The following HIP1 variants were observed in gnomAD, a reference collection of about 807,000 sequenced individuals.
HIP1 encodes the protein huntingtin interacting protein 1.
HIP1 carries 65 observed loss-of-function variants against 147.6 expected under a neutral mutation model. The observed-to-expected ratio is 0.44, with a 90% CI of 0.36 to 0.54. The LOEUF (loss-of-function observed/expected upper bound fraction) is 0.54, where lower values mean the gene tolerates loss of function less well. Among genes scored for constraint, HIP1 ranks in the 20% least tolerant of loss-of-function variants. The pLI is 0.00. For synonymous variants in HIP1, 479 were observed against 504.0 expected, an observed-to-expected ratio of 0.95 and a Z score of 0.67; for missense variants, 1,061 against 1,299.6, an observed-to-expected ratio of 0.82 and a Z score of 2.82.
intron 4 of HIP1, among the ~76,000 whole-genome samples, chr7:75,587,172 C>T (rs1476097137): frequency 2.6e-5 from 4 of 152,168 alleles, no homozygotes; most frequent in Non-Finnish European, 5.9e-5. Context: ...AACTCCTGGC[C>T]TTGAGTGATC....
chr7:75,573,129 C>T (rs374929102), intron 8 of HIP1, among the ~76,000 whole-genome samples: 1 of 152,208 alleles, frequency 6.6e-6, no homozygotes, highest in Non-Finnish European at 1.5e-5. Context: ...ATGGACCAAT[C>T]GTGGTGCATT....
intron 1 of HIP1, among the ~76,000 whole-genome samples, chr7:75,631,377 C>A (rs1418558162): frequency 1.3e-5 from 2 of 152,176 alleles, no homozygotes; most frequent in African/African-American, 4.8e-5. Flanking sequence ...ACTAACTTGT[C>A]TACGATCTGA....
chr7:75,559,719 A>G lies in HIP1; in HGVS notation c.1375+13T>C, dbSNP rs782320933. 8.4e-5 allele frequency: 19 copies of G among 227,234 alleles called. No individual in the cohort carries two copies. The highest frequency in any genetic ancestry group is 1.3e-4 in the Non-Finnish European group (18 of 137,026). 14.1% of individuals were successfully genotyped at this position (227,234 alleles called of 1,614,324 possible). ...GCCCCCGGGGCCCGCCCCCGCCCCC[A>G]CCCACCGCTCACTTTCTATCTCAGA... On this transcript the variant is annotated intron_variant, in intron 14 of 30. Coordinates refer to ENST00000336926, the MANE Select transcript of HIP1 (RefSeq NM_005338.7).
intron 1 of HIP1, among the ~76,000 whole-genome samples, chr7:75,683,442 T>G (rs1563291228): frequency 1.6e-4 from 24 of 151,518 alleles, no homozygotes; most frequent in African/African-American, 4.1e-4. Context: ...TCGGACTCGT[T>G]GGGAGTGCAC....
intron 4 of HIP1, among the ~76,000 whole-genome samples, chr7:75,587,121 G>A (rs237229): frequency 0.55 from 83,977 of 151,844 alleles, 24,716 homozygotes; most frequent in African/African-American, 0.76. Flanking sequence ...TTGTATTTTT[G>A]CTAGAGATAT....
At chr7:75,630,768 A>G (rs1377141383) in intron 1 of HIP1, among the ~76,000 whole-genome samples, 2 of 152,106 alleles carry the variant, frequency 1.3e-5, no homozygotes, top group African/African-American at 4.8e-5. Context: ...TATTGCAACT[A>G]CTAACAGGTC....
chr7:75,713,262 A>G (rs1801211671), intron 1 of HIP1, among the ~76,000 whole-genome samples: 1 of 152,164 alleles, frequency 6.6e-6, no homozygotes, highest in African/African-American at 2.4e-5. Flanking sequence ...CGTTCAACAC[A>G]CACAATGAGC....
At position 75,664,191 on chromosome 7, in the gene HIP1, TAC is replaced by T. The variant is rs559302806; in HGVS notation, c.121-64946_121-64945del. On this transcript the variant is annotated intron_variant, in intron 1 of 30. Coordinates refer to ENST00000336926, the MANE Select transcript of HIP1 (RefSeq NM_005338.7). ...ACATACATATATGTACATACATATA[TAC>T]ACACATATACATATGTATATATACA... is the stretch of plus-strand genomic sequence containing the variant. Among the ~76,000 whole-genome samples, 536 of 109,952 alleles carry T rather than the reference TAC, an allele frequency of 4.9e-3. 11 individuals are homozygous for T. Among genetic ancestry groups the T allele is most frequent in the African/African-American group, 0.019 (480 of 24,858 alleles). The allele number at this position is 109,952 out of a possible 152,430, so 72.1% of individuals were successfully genotyped here. A position where few individuals can be genotyped will look rare whatever the true frequency, so the allele number is the denominator to read the frequency against.
chr7:75,724,930 G>T (rs1801608063), intron 1 of HIP1, among the ~76,000 whole-genome samples: 1 of 152,158 alleles, frequency 6.6e-6, no homozygotes, highest in Admixed American at 6.6e-5. Context: ...CCGAGGGGAG[G>T]CAGAATTTGA....
intron 1 of HIP1, among the ~76,000 whole-genome samples, chr7:75,651,175 A>C (rs1798968005): frequency 6.6e-6 from 1 of 151,858 alleles, no homozygotes; most frequent in Non-Finnish European, 1.5e-5. Flanking sequence ...GGGTCTTCAA[A>C]GACCTGAGGC....
At chr7:75,559,331 G>A (rs1362583762) in intron 14 of HIP1, among the ~76,000 whole-genome samples, 1 of 152,088 alleles carries the variant, frequency 6.6e-6, no homozygotes, top group Non-Finnish European at 1.5e-5. Flanking sequence ...GCCCGGGTTG[G>A]TCTTGAACTC....
intron 6 of HIP1, 38 bp from the exon 7 acceptor site, chr7:75,581,336 C>A: frequency 6.4e-7 from 1 of 1,552,118 alleles, no homozygotes; most frequent in Non-Finnish European, 8.9e-7. Context: ...ACTCCACAGC[C>A]TGAGGCCGGT....
At chr7:75,550,141 A>G (rs1794728365) in intron 22 of HIP1, among the ~76,000 whole-genome samples, 1 of 152,172 alleles carries the variant, frequency 6.6e-6, no homozygotes, top group South Asian at 2.1e-4. Flanking sequence ...AGGGATTTGA[A>G]CTAAGGTCTG....
rs782738185 is a variant in HIP1 at position 75,542,875 on chromosome 7, C to T, written c.2866G>A (p.Gly956Ser). The T allele has an allele frequency of 2.1e-5, 34 of 1,613,812 alleles. No homozygotes were observed. Among genetic ancestry groups the T allele is most frequent in the South Asian group, 5.5e-5 (5 of 91,032 alleles). The change falls in exon 28 of 31, where the codon GGC becomes AGC. Residue 956 changes from glycine to serine, a missense_variant. Coordinates refer to ENST00000336926, the MANE Select transcript of HIP1 (RefSeq NM_005338.7). ...CCTGTCTCTTCGATCTGTGATTTGC[C>T]GGAAATGGTTGAGGCCACAACGCCG... ...TAGVVASTIS[G>S]KSQIEETDNM...
chr7:75,707,504 T>C (rs1801039051), intron 1 of HIP1, among the ~76,000 whole-genome samples: 1 of 144,178 alleles, frequency 6.9e-6, no homozygotes, highest in Non-Finnish European at 1.5e-5. Context: ...TGTAAATTTG[T>C]TTGAGTTCAT....
intron 1 of HIP1, among the ~76,000 whole-genome samples, chr7:75,704,419 T>G (rs912973098): frequency 7.9e-5 from 12 of 151,932 alleles, no homozygotes; most frequent in Admixed American, 7.9e-4. Flanking sequence ...TAATTTTGTA[T>G]TCTTAGTAGA....
chr7:75,678,548 T>G (rs1321392866), intron 1 of HIP1, among the ~76,000 whole-genome samples: 3 of 152,136 alleles, frequency 2.0e-5, no homozygotes, highest in African/African-American at 7.2e-5. Flanking sequence ...TTTGCCATGT[T>G]GGCCAGGCAG....
At position 75,537,081 on chromosome 7, in the gene HIP1, G is replaced by C. The variant is rs1006021944; in HGVS notation, c.*1091C>G. The C allele has an allele frequency of 8.6e-6, 2 of 232,444 alleles. No individual in the cohort carries two copies. The highest frequency in any genetic ancestry group is 1.7e-5 in the Non-Finnish European group (2 of 117,654). The allele number at this position is 232,444 out of a possible 1,614,324, so 14.4% of individuals were successfully genotyped here. A position where few individuals can be genotyped will look rare whatever the true frequency, so the allele number is the denominator to read the frequency against. ...ACTCCGTCTCTGGGCCAAGGGAGAC[G>C]GCCCGCTTGACAGAGACCATTCACG... On this transcript the variant is annotated 3_prime_UTR_variant, in exon 31 of 31. Transcript: ENST00000336926.
chr7:75,546,829 T>C (rs587715715), intron 25 of HIP1, 110 bp downstream of exon 25: 16 of 764,006 alleles, frequency 2.1e-5, no homozygotes, highest in African/African-American at 3.4e-5. Context: ...GTGGCTGCTC[T>C]GTACTCAGGT....
Sources: allele counts gnomAD v4.1 joint callset (sites outside exome capture counted in the v4.1 genomes callset), GRCh38; gene constraint gnomAD v4.1.1; transcripts MANE v1.5; gene names NCBI Gene and HGNC (gene_info 2026-07-23, HGNC 2026-07-21).